The following THADA variants were observed in gnomAD, a reference collection of about 807,000 sequenced individuals.
The protein encoded by THADA is tRNA (32-2'-O)-methyltransferase regulator THADA.
Under a neutral mutation model 219.8 loss-of-function variants are expected in THADA, and 213 were observed. The observed-to-expected ratio is 0.97, with a 90% CI of 0.87 to 1.09. The LOEUF (loss-of-function observed/expected upper bound fraction) is 1.09. Among genes scored for constraint, THADA ranks in the 50% least tolerant of loss-of-function variants. THADA has a pLI of 0.00. For synonymous variants in THADA, 1,018 were observed against 828.9 expected (o/e 1.23, Z -3.92); for missense variants, 2,956 against 2,311.3 (o/e 1.28, Z -5.72).
chr2:43,257,887 G>C (rs72877305), intron 36 of THADA, among the ~76,000 whole-genome samples: 157 of 152,288 alleles, frequency 1.0e-3, no homozygotes, highest in African/African-American at 3.6e-3. Flanking sequence ...CAGACTAAAA[G>C]AGAAAGTCCA....
intron 36 of THADA, among the ~76,000 whole-genome samples, chr2:43,241,439 G>A (rs997019564): frequency 1.3e-5 from 2 of 150,964 alleles, no homozygotes; most frequent in Admixed American, 6.6e-5. Flanking sequence ...AAGTATATGC[G>A]GAGGCAGAAT....
At chr2:43,515,231 A>T (rs1691438801) in intron 22 of THADA, among the ~76,000 whole-genome samples, 1 of 70,140 alleles carries the variant, frequency 1.4e-5, no homozygotes, top group South Asian at 4.3e-4. Flanking sequence ...TATATATAAT[A>T]TATAATATAT....
chr2:43,581,683 T>C, intron 8 of THADA, 58 bp downstream of exon 8: 1 of 1,463,574 alleles, frequency 6.8e-7, no homozygotes, highest in Non-Finnish European at 9.4e-7. Context: ...AAAAGCTGAT[T>C]GACACTCAAT....
At chr2:43,482,315 CACTT>C (rs1398832131) in intron 26 of THADA, among the ~76,000 whole-genome samples, 2 of 152,190 alleles carry the variant, frequency 1.3e-5, no homozygotes, top group Non-Finnish European at 2.9e-5. Context: ...ACCCTCTACA[CACTT>C]ACAAAGGATC....
chr2:43,559,023 A>G (rs114513552), intron 16 of THADA, among the ~76,000 whole-genome samples: 2,275 of 152,256 alleles, frequency 0.015, 26 homozygotes, highest in Middle Eastern at 0.02. Context: ...GGTCTTTCAC[A>G]TTTATGCCAT....
At chr2:43,481,716 T>A (rs1686250239) in intron 26 of THADA, among the ~76,000 whole-genome samples, 1 of 152,220 alleles carries the variant, frequency 6.6e-6, no homozygotes, top group Non-Finnish European at 1.5e-5. Flanking sequence ...ATTCTTCATG[T>A]ACTCCCCTAT....
At chr2:43,400,472 T>TATATATATATATATATATAAAA (rs1477151044) in intron 28 of THADA, among the ~76,000 whole-genome samples, 4 of 144,104 alleles carry the variant, frequency 2.8e-5, no homozygotes, top group African/African-American at 1.0e-4. Flanking sequence ...TATATATATA[T>TATATATATATATATATATAAAA]ATATAAATAT....
Position 43,410,790 on chromosome 2 carries a change from GTGA to G in THADA, c.4059-12654_4059-12652del, listed in dbSNP as rs547618593. Among the ~76,000 whole-genome samples the G allele has an allele frequency of 8.8e-4, 134 of 152,310 alleles. 1 individual carries two copies. Among genetic ancestry groups the G allele is most frequent in the African/African-American group, 2.9e-3 (122 of 41,580 alleles). ...GATGGCTATGTTCCTTACCATGACA[GTGA>G]TGATGGTTTTATGGGTATATAAAAA... On this transcript the variant is annotated intron_variant, in intron 28 of 37. Transcript: ENST00000405975.
At chr2:43,572,709 A>G in intron 12 of THADA, 105 bp downstream of exon 12, 1 of 954,754 alleles carries the variant, frequency 1.0e-6, no homozygotes, top group Non-Finnish European at 1.5e-6. Context: ...TCTCTTTATG[A>G]ACTCCCTAAA....
chr2:43,573,861 C>G (rs1405859209), intron 11 of THADA, among the ~76,000 whole-genome samples: 3 of 152,074 alleles, frequency 2.0e-5, no homozygotes, highest in Non-Finnish European at 4.4e-5. Context: ...TACCCCTATT[C>G]TAAATAACTA....
At chr2:43,566,333 A>G (rs547014990) in intron 15 of THADA, 1 of 571,294 alleles carries the variant, frequency 1.8e-6, no homozygotes, top group East Asian at 3.0e-5. Flanking sequence ...TCACTGAGAA[A>G]TATTAAATAT....
At chr2:43,457,996 C>CA (rs779255867) in intron 26 of THADA, among the ~76,000 whole-genome samples, 97 of 151,942 alleles carry the variant, frequency 6.4e-4, no homozygotes, top group Admixed American at 4.3e-3. Flanking sequence ...TACCTCTCGA[C>CA]AAAAAACAAA....
intron 36 of THADA, among the ~76,000 whole-genome samples, chr2:43,278,526 A>T (rs935154524): frequency 2.6e-5 from 4 of 152,202 alleles, no homozygotes; most frequent in Non-Finnish European, 4.4e-5. Flanking sequence ...AATTTTAGCT[A>T]TTGGGCAAGT....
intron 21 of THADA, among the ~76,000 whole-genome samples, chr2:43,535,675 CAAAAAAAAAAAAAA>C (rs1177702416): frequency 8.6e-4 from 26 of 30,354 alleles, no homozygotes; most frequent in East Asian, 4.6e-3. Flanking sequence ...CAGCGAGACT[CAAAAAAAAAAAAAA>C]AAAAAAAAAA....
chr2:43,282,337 A>C (rs77470734), intron 35 of THADA, among the ~76,000 whole-genome samples: 5,806 of 152,272 alleles, frequency 0.038, 174 homozygotes, highest in South Asian at 0.17. Context: ...AGTCACTAAG[A>C]AGAAAAAAGT....
chr2:43,521,703 T>C (rs1449342109), intron 22 of THADA, among the ~76,000 whole-genome samples: 1 of 152,238 alleles, frequency 6.6e-6, no homozygotes, highest in African/African-American at 2.4e-5. Flanking sequence ...CTGAAGCAAA[T>C]TATTGTTCCA....
rs537745880 is a variant in THADA, at chr2:43,291,725, T to C, written c.4981A>G (p.Ile1661Val). The C allele has an allele frequency of 4.5e-6, 7 of 1,557,956 alleles. No individual in the cohort carries two copies. In the African/African-American group the frequency reaches 6.8e-5, roughly 15 times the overall value. ...SVALRLASKVISHHMQTCVEN... is the reference protein window; with the variant it reads ...SVALRLASKVVSHHMQTCVEN... ...ACACATGTCTGCATGTGGTGGGAAA[T>C]GACTTTGGAAGCAAGTCTCAGAGCT... Residue 1661 changes from isoleucine (I) to valine (V), a missense_variant, in exon 34 of 38, where the codon ATT becomes GTT. Ile to Val is a conservative substitution (Grantham distance 29). Transcript: ENST00000405975.
intron 29 of THADA, among the ~76,000 whole-genome samples, chr2:43,352,401 T>C (rs2104562620): frequency 6.6e-6 from 1 of 152,102 alleles, no homozygotes; most frequent in South Asian, 2.1e-4. Context: ...CTACTAAAAA[T>C]ACAAAAATTA....
intron 21 of THADA, chr2:43,538,477 G>C (rs1694891393): frequency 6.6e-6 from 1 of 152,212 alleles, no homozygotes; most frequent in Non-Finnish European, 1.5e-5. Context: ...ACAGCACACT[G>C]CTTCACAGGA....
Sources: allele counts gnomAD v4.1 joint callset (sites outside exome capture counted in the v4.1 genomes callset), GRCh38; gene constraint gnomAD v4.1.1; transcripts MANE v1.5; gene names NCBI Gene and HGNC (gene_info 2026-07-23, HGNC 2026-07-21).